MAD1L1: variants seen among roughly 807,000 people sequenced by gnomAD.
MAD1L1 encodes mitotic arrest deficient 1 like 1.
In MAD1L1, 95 loss-of-function variants were observed where a neutral mutation model predicts 96.9. The observed-to-expected ratio is 0.98, with a 90% CI of 0.83 to 1.16. The LOEUF is 1.16. Ranked by LOEUF, MAD1L1 falls within the 50% of genes most tolerant of loss-of-function variation. The pLI is 0.00. For synonymous variants in MAD1L1, 473 were observed against 396.6 expected, an observed-to-expected ratio of 1.19 and a Z score of -2.29; for missense variants, 1,007 against 954.4, an observed-to-expected ratio of 1.06 and a Z score of -0.73.
chr7:2,097,296 G>T (rs1032415547), intron 11 of MAD1L1, among the ~76,000 whole-genome samples: 1 of 152,136 alleles, frequency 6.6e-6, no homozygotes. Flanking sequence ...GGACACACAA[G>T]AGGAGATGAC....
chr7:1,996,582 G>C (rs1781572676), intron 14 of MAD1L1, among the ~76,000 whole-genome samples: 1 of 152,228 alleles, frequency 6.6e-6, no homozygotes, highest in Non-Finnish European at 1.5e-5. Flanking sequence ...CTCAGAGTGG[G>C]CCTCGACACC....
At position 2,218,048 on chromosome 7, in the gene MAD1L1, T is replaced by C; in HGVS notation, c.597-5A>G. Reference sequence around the variant, plus strand: ...TGATTGGCTTCCTGGCATTTTCTATTGAAAGAAAAATACATCACACACAGA... The same window carrying C: ...TGATTGGCTTCCTGGCATTTTCTATCGAAAGAAAAATACATCACACACAGA... On this transcript the variant is annotated splice_region_variant and splice_polypyrimidine_tract_variant and intron_variant, in intron 6 of 18. Transcript: ENST00000265854. The C allele has an allele frequency of 6.2e-7, 1 of 1,612,036 alleles. No individual in the cohort carries two copies. Among genetic ancestry groups the C allele is most frequent in the South Asian group, 1.1e-5 (1 of 91,046 alleles).
At chr7:2,206,377 T>TTCG (rs1228486745) in intron 10 of MAD1L1, among the ~76,000 whole-genome samples, 34 of 152,342 alleles carry the variant, frequency 2.2e-4, no homozygotes, top group African/African-American at 8.2e-4. Context: ...ATGGTTCATG[T>TTCG]TCGTTGTATT....
chr7:1,912,723 C>T (rs1788099365), intron 17 of MAD1L1, among the ~76,000 whole-genome samples: 1 of 152,230 alleles, frequency 6.6e-6, no homozygotes, highest in Non-Finnish European at 1.5e-5. Flanking sequence ...CACGCACCTC[C>T]CAGAGCCAGA....
intron 17 of MAD1L1, among the ~76,000 whole-genome samples, chr7:1,917,087 T>C (rs1188518552): frequency 2.0e-5 from 3 of 152,144 alleles, no homozygotes; most frequent in Non-Finnish European, 2.9e-5. Context: ...CAGCTCGAGG[T>C]TGGTTACCCT....
Position 1,912,925 on chromosome 7 carries a change from C to T in MAD1L1, c.1808-14535G>A, listed in dbSNP as rs544413799. ...CGTGGGGGCGGGGCTGTGTGGGCTC[C>T]GGCCGCTTTGCATGCCGCGTTCATG... On this transcript the variant is annotated intron_variant, in intron 17 of 18. Transcript: ENST00000265854. 2.3e-3 allele frequency among the ~76,000 whole-genome samples: 349 copies of T among 151,270 alleles called. 1 individual carries two copies. The highest frequency in any genetic ancestry group is 2.5e-3 in the African/African-American group (104 of 41,218).
chr7:1,837,396 C>T (rs535498747), intron 18 of MAD1L1, among the ~76,000 whole-genome samples: 3 of 152,346 alleles, frequency 2.0e-5, no homozygotes, highest in Admixed American at 2.0e-4. Context: ...AACAGCTTGG[C>T]AACTTCTTGT....
At chr7:1,853,472 C>A (rs1244810210) in intron 18 of MAD1L1, among the ~76,000 whole-genome samples, 1 of 152,192 alleles carries the variant, frequency 6.6e-6, no homozygotes, top group Non-Finnish European at 1.5e-5. Flanking sequence ...CAGTGACAGA[C>A]AGAAGCAGGT....
intron 16 of MAD1L1, among the ~76,000 whole-genome samples, chr7:1,950,283 G>A (rs980593359): frequency 4.6e-5 from 7 of 151,566 alleles, no homozygotes; most frequent in African/African-American, 1.2e-4. Flanking sequence ...TGATAGGGAA[G>A]TGAGAACTCG....
rs993155574 is a variant in MAD1L1, at chr7:2,142,759, GC to G, written c.1073+6392del. 1.3e-5 allele frequency among the ~76,000 whole-genome samples: 2 copies of G among 152,266 alleles called. No individual in the cohort carries two copies. Among genetic ancestry groups the G allele is most frequent in the Non-Finnish European group, 2.9e-5 (2 of 68,054 alleles). The stretch of plus-strand genomic sequence containing the variant: ...CCTCTGGCCATGTCAAACCCCAGGG[GC>G]CCCCTTATGCCGAGAGCAGGTGGTC... On this transcript the variant is annotated intron_variant, in intron 11 of 18. Transcript: ENST00000265854. The surrounding 1 kb of genome is among the most constrained non-coding windows in gnomAD (Gnocchi z 4.7).
At chr7:2,075,237 AG>A (rs1785320505) in intron 11 of MAD1L1, among the ~76,000 whole-genome samples, 1 of 152,188 alleles carries the variant, frequency 6.6e-6, no homozygotes, top group Non-Finnish European at 1.5e-5. Flanking sequence ...TGCAGCCTAA[AG>A]GCCCCCCATC....
intron 18 of MAD1L1, among the ~76,000 whole-genome samples, chr7:1,878,757 A>G (rs1483795847): frequency 7.0e-6 from 1 of 141,876 alleles, no homozygotes; most frequent in East Asian, 2.2e-4. Flanking sequence ...CTTATTCAGC[A>G]CTGTACTGAA....
intron 18 of MAD1L1, among the ~76,000 whole-genome samples, chr7:1,862,662 T>C (rs1303880471): frequency 6.6e-6 from 1 of 152,262 alleles, no homozygotes; most frequent in Non-Finnish European, 1.5e-5. Flanking sequence ...TAGGTAACGG[T>C]CTGCCTACAG....
chr7:2,198,981 G>T (rs764894434), intron 10 of MAD1L1, among the ~76,000 whole-genome samples: 3 of 152,204 alleles, frequency 2.0e-5, no homozygotes, highest in Admixed American at 6.5e-5. Context: ...ACAGGCTGAG[G>T]TCAGGCAGTG....
chr7:1,888,671 T>C (rs1786337778), intron 18 of MAD1L1, among the ~76,000 whole-genome samples: 1 of 151,708 alleles, frequency 6.6e-6, no homozygotes, highest in African/African-American at 2.4e-5. Context: ...TGTATGTGGC[T>C]GTCTGTGCAT....
At chr7:2,102,202 TCACCGTCACCACCGCCACCGTCGC>T (rs1786817364) in intron 11 of MAD1L1, among the ~76,000 whole-genome samples, 1 of 147,374 alleles carries the variant, frequency 6.8e-6, no homozygotes, top group Non-Finnish European at 1.5e-5. Context: ...ATCACCACCG[TCACCGTCACCACCGCCACCGTCGC>T]CACCGCCACC....
intron 11 of MAD1L1, among the ~76,000 whole-genome samples, chr7:2,124,385 G>A (rs1247636860): frequency 6.6e-6 from 1 of 152,246 alleles, no homozygotes; most frequent in East Asian, 1.9e-4. Context: ...AGCCCAACGT[G>A]CCGAAAGGAA....
chr7:1,874,527 G>T, intron 18 of MAD1L1: 1 of 455,762 alleles, frequency 2.2e-6, no homozygotes, highest in Non-Finnish European at 4.4e-6. Flanking sequence ...CGCACAGCTT[G>T]TGGCTGAGTG....
At chr7:2,113,488 G>A (rs1435381844) in intron 11 of MAD1L1, among the ~76,000 whole-genome samples, 1 of 152,186 alleles carries the variant, frequency 6.6e-6, no homozygotes, top group Non-Finnish European at 1.5e-5. Flanking sequence ...GCCGAGGCAG[G>A]AGAATTGCTT....
Sources: allele counts gnomAD v4.1 joint callset (sites outside exome capture counted in the v4.1 genomes callset), GRCh38; gene constraint gnomAD v4.1.1; non-coding constraint Gnocchi (gnomAD v3.1); transcripts MANE v1.5; gene names NCBI Gene and HGNC (gene_info 2026-07-23, HGNC 2026-07-21).